The following L3MBTL4 variants were observed in gnomAD, a reference collection of about 807,000 sequenced individuals.
L3MBTL4 encodes L3MBTL histone methyl-lysine binding protein 4.
Under a neutral mutation model 84.5 loss-of-function variants are expected in L3MBTL4, and 70 were observed. The observed-to-expected ratio is 0.83, with a 90% CI of 0.68 to 1.01. The LOEUF (loss-of-function observed/expected upper bound fraction) is 1.01. L3MBTL4 is among the 50% of genes least tolerant of loss of function. L3MBTL4 has a pLI of 0.00. For synonymous variants in L3MBTL4, 274 were observed against 259.8 expected, an observed-to-expected ratio of 1.05 and a Z score of -0.52; for missense variants, 715 against 754.8, an observed-to-expected ratio of 0.95 and a Z score of 0.62.
At chr18:6,045,852 C>A (rs1286751244) in intron 16 of L3MBTL4, among the ~76,000 whole-genome samples, 1 of 152,206 alleles carries the variant, frequency 6.6e-6, no homozygotes, top group Non-Finnish European at 1.5e-5. Flanking sequence ...AACCAGCTAA[C>A]AACTTCGCAG....
chr18:6,018,180 C>A (rs1243801647), intron 16 of L3MBTL4, among the ~76,000 whole-genome samples: 1 of 152,140 alleles, frequency 6.6e-6, no homozygotes, highest in East Asian at 1.9e-4. Context: ...ATTGATCGGG[C>A]AGAGTCCTGA....
intron 16 of L3MBTL4, among the ~76,000 whole-genome samples, chr18:6,047,401 A>G (rs989963363): frequency 3.9e-5 from 6 of 152,198 alleles, no homozygotes; most frequent in African/African-American, 1.4e-4. Flanking sequence ...AACTGATTCT[A>G]CATAGCCAGC....
intron 16 of L3MBTL4, among the ~76,000 whole-genome samples, chr18:6,011,695 C>A (rs2054747809): frequency 6.6e-6 from 1 of 152,202 alleles, no homozygotes; most frequent in Non-Finnish European, 1.5e-5. Flanking sequence ...CCATCCTCAA[C>A]AAGCAAGTAG....
At chr18:6,365,303 TAA>T (rs2053887845) in intron 1 of L3MBTL4, among the ~76,000 whole-genome samples, 2 of 152,214 alleles carry the variant, frequency 1.3e-5, no homozygotes, top group South Asian at 4.1e-4. Flanking sequence ...GAAAAGATAA[TAA>T]AGTCACTGTT....
At chr18:6,035,021 T>G (rs1336351734) in intron 16 of L3MBTL4, among the ~76,000 whole-genome samples, 2 of 151,978 alleles carry the variant, frequency 1.3e-5, no homozygotes, top group African/African-American at 2.4e-5. Context: ...TAAATTTGTT[T>G]GAATTCATTG....
intron 16 of L3MBTL4, among the ~76,000 whole-genome samples, chr18:6,071,749 GAAAGAAAGAAAA>G (rs1180037568): frequency 2.3e-4 from 14 of 60,318 alleles, no homozygotes; most frequent in South Asian, 5.5e-4. Context: ...AGGAAGGAAA[GAAAGAAAGAAAA>G]AAAGAAAGAA....
At chr18:6,217,654 G>A (rs1438717126) in intron 10 of L3MBTL4, among the ~76,000 whole-genome samples, 1 of 152,152 alleles carries the variant, frequency 6.6e-6, no homozygotes, top group Admixed American at 6.5e-5. Context: ...GAGTAACACT[G>A]CTAGATCATG....
At position 6,270,781 on chromosome 18, in the gene L3MBTL4, C is replaced by T. The variant is rs1404380776; in HGVS notation, c.128-6743G>A. ...GCACTGCAGGGGCTGGAGGGGCAAA[C>T]GTGAGACCATGCAGCTTCCTCAAAG... On this transcript the variant is annotated intron_variant, in intron 4 of 18. Coordinates refer to ENST00000317931, the MANE Select transcript of L3MBTL4 (RefSeq NM_001330559.2). Among the ~76,000 whole-genome samples the T allele has an allele frequency of 2.6e-5, 4 of 152,276 alleles. No individual in the cohort carries two copies. The East Asian group carries it at 7.7e-4, about 29-fold the overall frequency.
intron 3 of L3MBTL4, among the ~76,000 whole-genome samples, chr18:6,305,770 G>A (rs2050557938): frequency 6.6e-6 from 1 of 152,176 alleles, no homozygotes. Context: ...AAGGCTTAAT[G>A]TTCTGTTCCC....
At chr18:6,297,727 T>A (rs888177122) in intron 4 of L3MBTL4, among the ~76,000 whole-genome samples, 4 of 152,236 alleles carry the variant, frequency 2.6e-5, no homozygotes, top group Admixed American at 2.6e-4. Flanking sequence ...ACTTTTTATC[T>A]AACAACTTAG....
chr18:6,077,368 C>A (rs906145710), intron 16 of L3MBTL4, among the ~76,000 whole-genome samples: 8 of 151,978 alleles, frequency 5.3e-5, no homozygotes, highest in Non-Finnish European at 1.2e-4. Context: ...TTTTATCATC[C>A]AATCTTATGT....
At chr18:6,283,396 G>C (rs2049410312) in intron 4 of L3MBTL4, among the ~76,000 whole-genome samples, 2 of 152,110 alleles carry the variant, frequency 1.3e-5, no homozygotes, top group Non-Finnish European at 2.9e-5. Context: ...AAAACCAAAT[G>C]AGTTTTTAAA....
chr18:6,176,400 T>C (rs144815812), intron 12 of L3MBTL4, among the ~76,000 whole-genome samples: 498 of 152,240 alleles, frequency 3.3e-3, no homozygotes, highest in Non-Finnish European at 5.4e-3. Flanking sequence ...AATTGATCCA[T>C]ATATATGCAG....
intron 16 of L3MBTL4, among the ~76,000 whole-genome samples, chr18:5,971,118 G>A (rs1326709143): frequency 6.6e-6 from 1 of 152,226 alleles, no homozygotes; most frequent in East Asian, 1.9e-4. Context: ...TCAGCCAACA[G>A]TATGTAAGCC....
At chr18:6,016,446 T>C (rs1266532902) in intron 16 of L3MBTL4, among the ~76,000 whole-genome samples, 3 of 152,214 alleles carry the variant, frequency 2.0e-5, no homozygotes, top group Non-Finnish European at 4.4e-5. Context: ...ATCCTTTGAT[T>C]GTTCCACAGG....
chr18:6,283,577 C>G (rs2049420096), intron 4 of L3MBTL4, among the ~76,000 whole-genome samples: 1 of 151,686 alleles, frequency 6.6e-6, no homozygotes, highest in Non-Finnish European at 1.5e-5. Flanking sequence ...GCATCTACAC[C>G]AAAAAGAGCC....
chr18:6,177,053 C>A (rs1263280188), intron 12 of L3MBTL4, among the ~76,000 whole-genome samples: 1 of 152,176 alleles, frequency 6.6e-6, no homozygotes, highest in Non-Finnish European at 1.5e-5. Flanking sequence ...TGTAAAATTG[C>A]ACAACCACTT....
At chr18:6,401,212 T>C (rs1476011078) in intron 1 of L3MBTL4, among the ~76,000 whole-genome samples, 2 of 152,148 alleles carry the variant, frequency 1.3e-5, no homozygotes, top group East Asian at 3.9e-4. Context: ...AAATCAATAA[T>C]AAAATGATCG....
rs2056090309 is a variant in L3MBTL4, at chr18:6,414,155, T to A, written c.-91+646A>T. 1 of 152,162 alleles carries A rather than the reference T, an allele frequency of 6.6e-6. No homozygotes were observed. The highest frequency in any genetic ancestry group is 1.5e-5 in the Non-Finnish European group (1 of 68,092). The allele number at this position is 152,162 out of a possible 1,614,324, so 9.4% of individuals were successfully genotyped here. A position where few individuals can be genotyped will look rare whatever the true frequency, so the allele number is the denominator to read the frequency against. ...GGTGGCAGGAGCCTGAGAGCCGCCG[T>A]CCCAGGCTGGCCAGGCGCCCGCCCG... On this transcript the variant is annotated intron_variant, in intron 1 of 18. Coordinates refer to ENST00000317931, the MANE Select transcript of L3MBTL4 (RefSeq NM_001330559.2). The surrounding 1 kb of genome is among the most constrained non-coding windows in gnomAD (Gnocchi z 5.4).
Sources: gnomAD v4.1 joint callset for allele counts (sites outside exome capture counted in the v4.1 genomes callset) on GRCh38, gnomAD v4.1.1 for gene constraint, Gnocchi (gnomAD v3.1) non-coding constraint, MANE v1.5 for transcripts, NCBI Gene and HGNC (gene_info 2026-07-23, HGNC 2026-07-21) for gene names.